Variants in TENM1 observed in about 807,000 individuals in gnomAD.
TENM1 encodes the protein teneurin transmembrane protein 1, also known as teneurin-1.
Under a neutral mutation model 174.8 loss-of-function variants are expected in TENM1, and 35 were observed. The observed-to-expected ratio is 0.20, with a 90% confidence interval of 0.15 to 0.27. The LOEUF (loss-of-function observed/expected upper bound fraction) is 0.27, where lower values mean the gene tolerates loss of function less well. TENM1 is among the 10% of genes least tolerant of loss of function. The pLI, the probability that TENM1 is intolerant of heterozygous loss-of-function variation, is 1.00. For missense variants in TENM1, 1,633 were observed against 2,130.1 expected (o/e 0.77, Z 4.59); for synonymous variants, 781 against 798.7 (o/e 0.98, Z 0.37).
intron 3 of TENM1, among the ~76,000 whole-genome samples, chrX:124,840,990 A>G (rs1473477020): frequency 8.9e-6 from 1 of 112,016 alleles, no homozygotes; most frequent in Non-Finnish European, 1.9e-5. Flanking sequence ...TGCTGTGCTT[A>G]TTTCAAGGTG....
intron 18 of TENM1, among the ~76,000 whole-genome samples, chrX:124,510,364 G>T (rs1370333854): frequency 8.9e-6 from 1 of 112,457 alleles, no homozygotes; most frequent in Admixed American, 9.4e-5. Flanking sequence ...CTTTTTATTT[G>T]TTCAGAATTT....
At chrX:124,439,626 C>T (rs2060882453) in intron 23 of TENM1, among the ~76,000 whole-genome samples, 1 of 111,405 alleles carries the variant, frequency 9.0e-6, no homozygotes, top group South Asian at 3.8e-4. Flanking sequence ...ATATGCCTCT[C>T]TGTAAAAGGT....
chrX:125,195,825 T>C, the TENM1 span, among the ~76,000 whole-genome samples: 1 of 110,912 alleles, frequency 9.0e-6, no homozygotes, highest in Admixed American at 9.7e-5. Flanking sequence ...TTTATAATTA[T>C]CTGGAACATA....
chrX:125,137,365 A>G, the TENM1 span, among the ~76,000 whole-genome samples: 4 of 110,622 alleles, frequency 3.6e-5, no homozygotes, highest in Non-Finnish European at 7.6e-5. Context: ...AGCAATAAAA[A>G]CATTTTAAAA....
At chrX:124,594,524 T>C (rs749824425) in intron 11 of TENM1, among the ~76,000 whole-genome samples, 4 of 111,461 alleles carry the variant, frequency 3.6e-5, no homozygotes, top group Admixed American at 9.5e-5. Flanking sequence ...CTCTTCCAGA[T>C]TGTGGATGGC....
At chrX:124,571,039 T>G in intron 11 of TENM1, among the ~76,000 whole-genome samples, 1 of 111,863 alleles carries the variant, frequency 8.9e-6, no homozygotes. Context: ...GCTATGACTA[T>G]ACAATACATG....
intron 22 of TENM1, among the ~76,000 whole-genome samples, chrX:124,462,438 G>A (rs1477346874): frequency 1.1e-5 from 1 of 88,775 alleles, no homozygotes; most frequent in Non-Finnish European, 2.3e-5. Flanking sequence ...GTGTGGGGGG[G>A]GTGGGGGTGG....
chrX:124,408,287 C>T (rs776794329), intron 25 of TENM1, among the ~76,000 whole-genome samples: 216 of 110,524 alleles, frequency 2.0e-3, no homozygotes, highest in African/African-American at 6.6e-3. Flanking sequence ...GGATTACAAA[C>T]GAGTACCACT....
At chrX:124,968,199 T>C (rs1437051558), upstream of TENM1, among the ~76,000 whole-genome samples, 1 of 111,437 alleles carries the variant, frequency 9.0e-6, no homozygotes, top group Non-Finnish European at 1.9e-5. Context: ...AAAATAAAAT[T>C]AAAAGGTAAA....
chrX:124,633,743 T>C (rs1405775455), intron 11 of TENM1, among the ~76,000 whole-genome samples: 1 of 111,147 alleles, frequency 9.0e-6, no homozygotes, highest in Non-Finnish European at 1.9e-5. Flanking sequence ...ACAAATCATC[T>C]CTGAGTCGGA....
At chrX:124,896,087 C>A (rs1569476809) in exon 2 of TENM1, 3 of 1,211,437 alleles carry the variant, frequency 2.5e-6, no homozygotes, top group Admixed American at 2.2e-5. Flanking sequence ...TTCCCCTTAT[C>A]CACATTCTTA....
intron 1 of TENM1, among the ~76,000 whole-genome samples, chrX:124,920,099 G>C (rs2057995368): frequency 1.8e-5 from 2 of 110,729 alleles, no homozygotes; most frequent in Admixed American, 9.6e-5. Flanking sequence ...GATTAATTCT[G>C]AATCAACAAA....
chrX:125,154,617 G>C, the TENM1 span, among the ~76,000 whole-genome samples: 1 of 111,541 alleles, frequency 9.0e-6, no homozygotes, highest in African/African-American at 3.3e-5. Flanking sequence ...GAATTGGTGG[G>C]TTCTTGGTCT....
the TENM1 span, among the ~76,000 whole-genome samples, chrX:125,002,062 A>C: frequency 2.0e-4 from 22 of 111,027 alleles, no homozygotes; most frequent in African/African-American, 5.6e-4. Context: ...ACAAATAGGG[A>C]GTATAAATGT....
At chrX:124,537,176 C>T (rs900626236) in intron 15 of TENM1, among the ~76,000 whole-genome samples, 1 of 111,275 alleles carries the variant, frequency 9.0e-6, no homozygotes, top group South Asian at 3.8e-4. Context: ...GACCTCTCCC[C>T]GGTTACCTCA....
chrX:124,817,085 G>T (rs1484325393), intron 3 of TENM1, among the ~76,000 whole-genome samples: 1 of 109,915 alleles, frequency 9.1e-6, no homozygotes, highest in Admixed American at 9.8e-5. Context: ...TCCCCTCCCT[G>T]TGTCCATGTG....
intron 24 of TENM1, among the ~76,000 whole-genome samples, 177 bp downstream of exon 27, chrX:124,422,091 CAGTG>C (rs1001190462): frequency 8.9e-6 from 1 of 112,120 alleles, no homozygotes; most frequent in Non-Finnish European, 1.9e-5. Context: ...TAGGGTCACT[CAGTG>C]AGTCAGTTGT....
At chrX:124,422,524 C>T in exon 24 of TENM1, 4 of 1,210,917 alleles carry the variant, frequency 3.3e-6, no homozygotes, top group Non-Finnish European at 4.5e-6. Context: ...GGGCGTCCTG[C>T]GATGATCCGA....
the TENM1 span, among the ~76,000 whole-genome samples, chrX:125,004,580 T>G: frequency 8.9e-6 from 1 of 112,254 alleles, no homozygotes; most frequent in African/African-American, 3.2e-5. Flanking sequence ...AGCATAATAC[T>G]TTTTTGAATT....
Sources: gnomAD v4.1 joint callset for allele counts (sites outside exome capture counted in the v4.1 genomes callset) on GRCh38, gnomAD v4.1.1 for gene constraint, MANE v1.5 for transcripts, NCBI Gene and HGNC (gene_info 2026-07-23, HGNC 2026-07-21) for gene names.